Variants in TBL1Y observed in about 807,000 individuals in gnomAD.
TBL1Y encodes transducin beta like 1 Y-linked.
TBL1Y carries 15 observed loss-of-function variants against 12.0 expected under a neutral mutation model. The observed-to-expected ratio is 1.25, with a 90% CI of 0.83 to 1.92. The LOEUF is 1.92. Among genes scored for constraint, TBL1Y ranks in the 40% most tolerant of loss-of-function variants. TBL1Y has a pLI of 0.00. For missense variants in TBL1Y, 148 were observed against 116.7 expected, an observed-to-expected ratio of 1.27 and a Z score of -1.24; for synonymous variants, 53 against 42.6, an observed-to-expected ratio of 1.24 and a Z score of -0.95.
chrY:6,982,308 T>C (rs2012290718), intron 3 of TBL1Y, among the ~76,000 whole-genome samples: 1 of 32,406 alleles, frequency 3.1e-5, no homozygotes, highest in East Asian at 8.1e-4. Context: ...TTTTTTTAAT[T>C]AGCCTAGTAT....
At chrY:7,031,918 G>A (rs1017525072) in intron 6 of TBL1Y, among the ~76,000 whole-genome samples, 4 of 33,353 alleles carry the variant, frequency 1.2e-4, no homozygotes, top group South Asian at 1.4e-3. Flanking sequence ...AGTTGCTGGA[G>A]CATGGGGAGA....
intron 14 of TBL1Y, among the ~76,000 whole-genome samples, chrY:7,081,758 A>G (rs2013100357): frequency 3.1e-5 from 1 of 32,271 alleles, no homozygotes; most frequent in Non-Finnish European, 7.5e-5. Context: ...TTAAACCACC[A>G]TATCTCGTAA....
chrY:7,001,629 CA>C (rs2012453344), intron 4 of TBL1Y, among the ~76,000 whole-genome samples: 1 of 31,462 alleles, frequency 3.2e-5, no homozygotes, highest in African/African-American at 1.2e-4. Flanking sequence ...AAAAAAAAAA[CA>C]AAAAAAAACT....
chrY:6,964,483 T>C, intron 2 of TBL1Y, among the ~76,000 whole-genome samples: 6 of 33,397 alleles, frequency 1.8e-4, no homozygotes, highest in African/African-American at 7.0e-4. Context: ...TATTGATTGT[T>C]GGTTAATAGT....
intron 7 of TBL1Y, among the ~76,000 whole-genome samples, chrY:7,055,423 A>G (rs2012820270): frequency 3.0e-5 from 1 of 32,911 alleles, no homozygotes. Flanking sequence ...GAGGACCAAT[A>G]AAACACCATC....
intron 3 of TBL1Y, among the ~76,000 whole-genome samples, chrY:6,982,362 G>C: frequency 9.2e-5 from 3 of 32,562 alleles, no homozygotes; most frequent in African/African-American, 2.4e-4. Flanking sequence ...AAGCCGAGAG[G>C]GGGGACTGGT....
At chrY:6,958,823 C>T (rs906078175) in intron 2 of TBL1Y, among the ~76,000 whole-genome samples, 8 of 34,008 alleles carry the variant, frequency 2.4e-4, no homozygotes, top group South Asian at 6.7e-4. Flanking sequence ...TACCATAGGG[C>T]GGTTTTTCTC....
rs774330206 is a variant in TBL1Y at position 7,063,995 on chromosome Y, G to T, written c.303G>T (p.Glu101Asp). 5.0e-6 allele frequency: 2 copies of T among 398,573 alleles called. No homozygotes were observed. Among genetic ancestry groups the T allele is most frequent in the Non-Finnish European group, 7.1e-6 (2 of 283,598 alleles). ...AGATGCGGCAGCAGGCATTTGGAGA[G>T]AAGCTCACTCAGCAGCAAGCCAGTG... ...VVQMRQQAFG[E>D]KLTQQQASAA... The change falls in exon 8 of 19, where the codon GAG becomes GAT. Residue 101 changes from glutamate (E) to aspartate (D), a missense_variant. Coordinates refer to ENST00000383032, the MANE Select transcript of TBL1Y (RefSeq NM_033284.2).
At chrY:6,966,553 G>C (rs2012169983) in intron 2 of TBL1Y, among the ~76,000 whole-genome samples, 1 of 32,858 alleles carries the variant, frequency 3.0e-5, no homozygotes, top group African/African-American at 1.2e-4. Flanking sequence ...TAGTCCTGTT[G>C]CTTCCTGTGT....
intron 2 of TBL1Y, among the ~76,000 whole-genome samples, chrY:6,970,502 G>A: frequency 3.0e-5 from 1 of 33,061 alleles, no homozygotes; most frequent in Non-Finnish European, 7.4e-5. Context: ...ATGTTGGCCA[G>A]GCTGGTATCA....
chrY:7,086,028 T>G, intron 15 of TBL1Y, 56 bp downstream of exon 15: 1 of 345,100 alleles, frequency 2.9e-6, no homozygotes. Flanking sequence ...CTTGGGCACT[T>G]GACGTCAGTC....
chrY:7,078,410 G>T, intron 13 of TBL1Y, among the ~76,000 whole-genome samples: 1 of 33,656 alleles, frequency 3.0e-5, no homozygotes, highest in South Asian at 6.8e-4. Flanking sequence ...TTGTAGAATT[G>T]CCATAACCCC....
In TBL1Y at chrY:7,013,228, C is replaced by T. The variant is rs370642447; in HGVS notation, c.-139-8221C>T. On this transcript the variant is annotated intron_variant, in intron 4 of 18. Transcript: ENST00000383032. ...CCCAATTTGTCTGAATATGCCTAGC[C>T]ATGCCTGAACTTGCTACAACCCCAG... Among the ~76,000 whole-genome samples the T allele has an allele frequency of 5.2e-3, 176 of 33,660 alleles. No individual in the cohort carries two copies. In the South Asian group the frequency reaches 0.081, roughly 15 times the overall value. The allele number at this position is 33,660 out of a possible 37,273, so 90.3% of individuals were successfully genotyped here.
intron 2 of TBL1Y, among the ~76,000 whole-genome samples, chrY:6,955,712 T>C (rs2012065835): frequency 5.9e-5 from 2 of 34,065 alleles, no homozygotes; most frequent in African/African-American, 2.3e-4. Context: ...CTTACTATAC[T>C]TGGAAGGGAA....
intron 6 of TBL1Y, among the ~76,000 whole-genome samples, chrY:7,026,436 C>T: frequency 3.0e-5 from 1 of 33,615 alleles, no homozygotes; most frequent in South Asian, 6.8e-4. Context: ...CCAGAGGTGG[C>T]TGCAAATGGA....
chrY:7,044,653 C>T (rs2012748537), intron 7 of TBL1Y, among the ~76,000 whole-genome samples: 1 of 32,275 alleles, frequency 3.1e-5, no homozygotes, highest in Non-Finnish European at 7.5e-5. Flanking sequence ...TTGTGGGGGG[C>T]GGGTGTGGGG....
Position 7,043,036 on chromosome Y carries a change from A to G in TBL1Y, c.115A>G (p.Ile39Val). 2.5e-6 allele frequency: 1 copy of G among 395,934 alleles called. No individual in the cohort carries two copies. The highest frequency in any genetic ancestry group is 3.5e-6 in the Non-Finnish European group (1 of 283,119). ...CGAGAGCCACATCAGCCAGTCCAACATCAATGGGACACTAGTGCCACCGTC... is the reference window on the plus strand; with the variant it reads ...CGAGAGCCACATCAGCCAGTCCAACGTCAATGGGACACTAGTGCCACCGTC... ...GIESHISQSN[I>V]NGTLVPPSAL... is the part of the protein sequence containing the mutation. Residue 39 changes from isoleucine to valine, a missense_variant, in exon 7 of 19, where the codon ATC (isoleucine) becomes GTC (valine). Transcript: ENST00000383032.
chrY:7,089,359 T>C (rs765916373), intron 17 of TBL1Y, among the ~76,000 whole-genome samples: 2 of 33,849 alleles, frequency 5.9e-5, no homozygotes, highest in East Asian at 1.6e-3. Flanking sequence ...ATTGTATTCA[T>C]TCAGACACCA....
At chrY:7,086,455 A>G in intron 16 of TBL1Y, 38 bp downstream of exon 16, 1 of 364,318 alleles carries the variant, frequency 2.7e-6, no homozygotes, top group Non-Finnish European at 3.8e-6. Context: ...GCTCCGCCCT[A>G]CACAACGATA....
Sources: allele counts gnomAD v4.1 joint callset (sites outside exome capture counted in the v4.1 genomes callset), GRCh38; gene constraint gnomAD v4.1.1; transcripts MANE v1.5; gene names NCBI Gene and HGNC (gene_info 2026-07-23, HGNC 2026-07-21).